Variants in CCDC22 observed in about 807,000 individuals in gnomAD.
The protein encoded by CCDC22 is CCC complex scaffolding subunit CCDC22.
A neutral mutation model predicts 53.1 loss-of-function variants in CCDC22; 4 were observed. The observed-to-expected ratio is 0.08, with a 90% CI of 0.04 to 0.17. The LOEUF (loss-of-function observed/expected upper bound fraction) is 0.17, where lower values mean the gene tolerates loss of function less well. Ranked by LOEUF, CCDC22 falls within the 10% of genes least tolerant of loss-of-function variation. The probability of loss-of-function intolerance (pLI) is 1.00; values close to 1 mark genes in which losing one functional copy is unlikely to be tolerated. For missense variants in CCDC22, 458 were observed against 554.0 expected (o/e 0.83, Z 1.74); for synonymous variants, 222 against 224.4 (o/e 0.99, Z 0.10).
rs369421373 is a variant in CCDC22 at position 49,242,906 on chromosome X, C to T, written c.382C>T (p.Arg128Trp). 9.5e-6 allele frequency: 11 copies of T among 1,156,401 alleles called. No individual in the cohort carries two copies. The highest frequency in any genetic ancestry group is 2.4e-4 in the Middle Eastern group (1 of 4,169). Residue 128 changes from arginine to tryptophan, a missense_variant, in exon 4 of 17, where the codon CGG (arginine) becomes TGG (tryptophan). Arg to Trp is a moderately radical substitution (Grantham distance 101, BLOSUM62 -3). Transcript: ENST00000376227. ...QPAGDSAILL[R>W]AIGSQIRDQL... The stretch of plus-strand genomic sequence containing the variant: ...CATAGGTGACTCAGCTATTCTCCTC[C>T]GGGCCATTGGGAGCCAAATTCGGGA...
intron 2 of CCDC22, among the ~76,000 whole-genome samples, chrX:49,240,533 G>A (rs1011181912): frequency 8.1e-5 from 9 of 111,629 alleles, no homozygotes; most frequent in Non-Finnish European, 1.1e-4. Context: ...CAGCCTGAGC[G>A]ACAGAGCAAG....
Position 49,249,564 on chromosome X carries a change from A to C in CCDC22, c.1691A>C (p.His564Pro). 9.3e-7 allele frequency: 1 copy of C among 1,073,139 alleles called. No homozygotes were observed. The allele number at this position is 1,073,139 out of a possible 1,213,427, so 88.4% of individuals were successfully genotyped here. The change falls in exon 15 of 17, where the codon CAC (histidine) becomes CCC (proline). Residue 564 changes from histidine to proline, a missense_variant. Around this residue, in one of 4 missense-constraint regions of CCDC22, gnomAD observed 48 missense variants for 83.4 expected, o/e 0.58. Coordinates refer to ENST00000376227, the MANE Select transcript of CCDC22 (RefSeq NM_014008.5). ...RKAYKYLAAL[H>P]ENCSQLIQTI... ...GCCTATAAGTATCTAGCTGCTCTGC[A>C]CGAGGTGAGGGGAGACATGTGCCTG...
intron 2 of CCDC22, among the ~76,000 whole-genome samples, chrX:49,240,408 G>A (rs1274055726): frequency 9.0e-6 from 1 of 110,810 alleles, no homozygotes; most frequent in African/African-American, 3.3e-5. Flanking sequence ...ACAAAAATTA[G>A]CCTGGTGTGG....
At chrX:49,244,279 C>T (rs1279547541) in intron 6 of CCDC22, among the ~76,000 whole-genome samples, 1 of 111,013 alleles carries the variant, frequency 9.0e-6, no homozygotes, top group East Asian at 2.8e-4. Context: ...CCCCCTTCTC[C>T]TCTGTCTACT....
In CCDC22 at chrX:49,250,487, C is replaced by A. The variant is rs2066022018; in HGVS notation, c.*226C>A. The A allele has an allele frequency of 2.0e-6, 1 of 489,036 alleles. No homozygotes were observed. The allele number at this position is 489,036 out of a possible 1,213,427, so 40.3% of individuals were successfully genotyped here. A position where few individuals can be genotyped will look rare whatever the true frequency, so the allele number is the denominator to read the frequency against. On this transcript the variant is annotated 3_prime_UTR_variant, in exon 17 of 17. Transcript: ENST00000376227. ...GGGGACGGTACTGTGGGTTGGGGGC[C>A]TTGGATCCCAAATAAATGAGTAGTT... is the stretch of plus-strand genomic sequence containing the variant.
Position 49,250,193 on chromosome X carries a change from A to G in CCDC22, c.1816A>G (p.Ile606Val). The G allele has an allele frequency of 8.6e-7, 1 of 1,167,424 alleles. No homozygotes were observed. Among genetic ancestry groups the G allele is most frequent in the Non-Finnish European group, 1.1e-6 (1 of 872,102 alleles). Residue 606 changes from isoleucine to valine, a missense_variant, in exon 17 of 17, where the codon ATC (isoleucine) becomes GTC (valine). By Grantham distance (29) the Ile-to-Val change is conservative (BLOSUM62 3). Coordinates refer to ENST00000376227, the MANE Select transcript of CCDC22 (RefSeq NM_014008.5). The stretch of plus-strand genomic sequence containing the variant: ...GAAGACCCTCAGCAACCTGGAGAAG[A>G]TCCGGGAGGACTACCGAGCCCTCCG... ...GKKTLSNLEK[I>V]REDYRALRQE...
At chrX:49,236,573 C>T (rs1218071485) in intron 1 of CCDC22, among the ~76,000 whole-genome samples, 2 of 111,005 alleles carry the variant, frequency 1.8e-5, no homozygotes, top group Middle Eastern at 4.6e-3. Flanking sequence ...AAGACTCCTC[C>T]GTTCAGAGGC....
chrX:49,248,396 T>C lies in CCDC22; in HGVS notation c.1213-11T>C, dbSNP rs902360651. ...GCCCAGCCTGTGTGACATGTACCCA[T>C]CCCCCACCAGCTTGTGGTGGAGAAT... On this transcript the variant is annotated splice_polypyrimidine_tract_variant and intron_variant, in intron 10 of 16. Transcript: ENST00000376227. 2.5e-5 allele frequency: 30 copies of C among 1,205,502 alleles called. No individual in the cohort carries two copies. Among genetic ancestry groups the C allele is most frequent in the Non-Finnish European group, 3.0e-5 (27 of 893,182 alleles).
intron 2 of CCDC22, among the ~76,000 whole-genome samples, chrX:49,240,591 C>A (rs1411965931): frequency 1.3e-4 from 14 of 111,745 alleles, no homozygotes; most frequent in Non-Finnish European, 2.6e-4. Flanking sequence ...GGTTGTCTGG[C>A]CCCCAGCAGC....
chrX:49,236,160 C>T (rs1215196666), intron 1 of CCDC22, among the ~76,000 whole-genome samples: 2 of 107,799 alleles, frequency 1.9e-5, no homozygotes, highest in African/African-American at 6.7e-5. Context: ...ATCCTTCAAA[C>T]TCCAGTTCCC....
Position 49,243,397 on chromosome X carries a change from C to A in CCDC22, c.649C>A (p.Gln217Lys), listed in dbSNP as rs781995736. The A allele has an allele frequency of 3.3e-6, 4 of 1,204,646 alleles. No homozygotes were observed. In the East Asian group the frequency reaches 8.9e-5, roughly 27 times the overall value. The change falls in exon 6 of 17, where the codon CAG (glutamine) becomes AAG (lysine). Residue 217 changes from glutamine to lysine, a missense_variant. Transcript: ENST00000376227. ...ACACCATGCCCTGCAGCTCTGCCAG[C>A]AGACGGGCCGGGACCGGCCAGGGGA... is the stretch of plus-strand genomic sequence containing the variant. ...LEHHALQLCQQTGRDRPGDED... is the reference protein window; with the variant it reads ...LEHHALQLCQKTGRDRPGDED...
intron 6 of CCDC22, among the ~76,000 whole-genome samples, chrX:49,244,128 T>C (rs2065977328): frequency 8.9e-6 from 1 of 112,208 alleles, no homozygotes; most frequent in South Asian, 3.7e-4. Context: ...CTGATGTTCA[T>C]TTTTCTGGTT....
intron 13 of CCDC22, 58 bp from the exon 14 acceptor site, chrX:49,249,109 T>TC: frequency 8.8e-7 from 1 of 1,142,301 alleles, no homozygotes. Flanking sequence ...ATGAGGACCC[T>TC]CCACTGCTAG....
At chrX:49,248,113 G>C (rs1341247120) in intron 9 of CCDC22, 78 bp from the exon 10 acceptor site, 1 of 1,192,145 alleles carries the variant, frequency 8.4e-7, no homozygotes, top group Non-Finnish European at 1.1e-6. Flanking sequence ...AGAGAGGCCT[G>C]TGGGGGCCAC....
rs978984773 is a variant in CCDC22, at chrX:49,243,555, C to A, written c.714+93C>A. On this transcript the variant is annotated intron_variant, in intron 6 of 16. Transcript: ENST00000376227. ...CTCTCCTTCCCCACTTTGTCCCTCC[C>A]TTCCATTGTTTCCCCTCTGTGTGTG... The A allele has an allele frequency of 3.7e-5, 28 of 747,960 alleles. No individual in the cohort carries two copies. The East Asian group carries it at 7.5e-4, about 20-fold the overall frequency. The allele number at this position is 747,960 out of a possible 1,213,427, so 61.6% of individuals were successfully genotyped here.
chrX:49,248,102 T>C, intron 9 of CCDC22, 89 bp from the exon 10 acceptor site: 1 of 1,188,565 alleles, frequency 8.4e-7, no homozygotes, highest in South Asian at 1.8e-5. Flanking sequence ...GTGGAGCTGT[T>C]AGAGAGGCCT....
Position 49,250,278 on chromosome X carries a change from G to T in CCDC22, c.*17G>T. The T allele has an allele frequency of 2.1e-6, 2 of 940,075 alleles. No homozygotes were observed. Among genetic ancestry groups the T allele is most frequent in the Non-Finnish European group, 3.0e-6 (2 of 665,840 alleles). 77.5% of individuals were successfully genotyped at this position (940,075 alleles called of 1,213,427 possible). ...GAGGCCTGAGGAGCCGCCGGCAGAG[G>T]TCTCTCCCCAGCCTCAGGCAGGGAT... On this transcript the variant is annotated 3_prime_UTR_variant, in exon 17 of 17. Coordinates refer to ENST00000376227, the MANE Select transcript of CCDC22 (RefSeq NM_014008.5).
At position 49,250,177 on chromosome X, in the gene CCDC22, C is replaced by T. The variant is rs2066018773; in HGVS notation, c.1800C>T (p.Leu600=). The change falls in exon 17 of 17, where the codon CTC becomes CTT. Residue 600 remains leucine (L), a synonymous_variant. Transcript: ENST00000376227. Reference sequence around the variant, plus strand: ...AGACAGAGCTGGGCAAGAAGACCCTCAGCAACCTGGAGAAGATCCGGGAGG... The same window carrying T: ...AGACAGAGCTGGGCAAGAAGACCCTTAGCAACCTGGAGAAGATCCGGGAGG... ...QIETELGKKT[L]SNLEKIREDY... is the part of the protein sequence containing the mutation. 1 of 1,164,772 alleles carries T rather than the reference C, an allele frequency of 8.6e-7. No individual in the cohort carries two copies. The highest frequency in any genetic ancestry group is 1.8e-5 in the African/African-American group (1 of 56,317).
chrX:49,248,002 G>T (rs1328179722), intron 9 of CCDC22, among the ~76,000 whole-genome samples, 189 bp from the exon 10 acceptor site: 1 of 111,070 alleles, frequency 9.0e-6, no homozygotes, highest in Admixed American at 9.4e-5. Context: ...GGGATTGAGG[G>T]GTCCTCGGAG....
Sources: gnomAD v4.1 joint callset for allele counts (sites outside exome capture counted in the v4.1 genomes callset) on GRCh38, gnomAD v4.1.1 for gene constraint, gnomAD v4.1.1 regional missense constraint, MANE v1.5 for transcripts, NCBI Gene and HGNC (gene_info 2026-07-23, HGNC 2026-07-21) for gene names.